TAFA5: variants seen among roughly 807,000 people sequenced by gnomAD.
The protein encoded by TAFA5 is TAFA chemokine like family member 5.
A neutral mutation model predicts 15.3 loss-of-function variants in TAFA5; 6 were observed. The observed-to-expected ratio is 0.39, with a 90% CI of 0.21 to 0.77. The LOEUF (loss-of-function observed/expected upper bound fraction) is 0.77. Ranked by LOEUF, TAFA5 falls within the 30% of genes least tolerant of loss-of-function variation. The probability of loss-of-function intolerance (pLI) is 0.41; values close to 1 mark genes in which losing one functional copy is unlikely to be tolerated. For synonymous variants in TAFA5, 103 were observed against 80.7 expected, an observed-to-expected ratio of 1.28 and a Z score of -1.48; for missense variants, 161 against 193.1, an observed-to-expected ratio of 0.83 and a Z score of 0.98.
intron 1 of TAFA5, among the ~76,000 whole-genome samples, chr22:48,558,877 G>A (rs958833265): frequency 2.0e-5 from 3 of 152,224 alleles, no homozygotes; most frequent in East Asian, 3.9e-4. Context: ...ACTTGCCTCC[G>A]CCAGCTGCCA....
chr22:48,588,454 G>C (rs1479797995), intron 1 of TAFA5, among the ~76,000 whole-genome samples: 1 of 152,188 alleles, frequency 6.6e-6, no homozygotes, highest in Non-Finnish European at 1.5e-5. Context: ...GGGAAGGAAG[G>C]CATTGCTCGC....
chr22:48,521,904 G>A (rs1003522522), intron 1 of TAFA5, among the ~76,000 whole-genome samples: 1 of 152,082 alleles, frequency 6.6e-6, no homozygotes, highest in Non-Finnish European at 1.5e-5. Context: ...GGAGGGAGGT[G>A]GAGCTGTAGC....
chr22:48,582,007 C>T (rs990850537), intron 1 of TAFA5, among the ~76,000 whole-genome samples: 23 of 152,128 alleles, frequency 1.5e-4, no homozygotes, highest in Non-Finnish European at 8.8e-5. Context: ...CGCTCACACA[C>T]GCACCCAGTG....
Position 48,512,943 on chromosome 22 carries a change from AAGAG to A in TAFA5, c.112+23253_112+23256del, listed in dbSNP as rs72317049. ...GTCTCAAAAAAAAAAAAAAAAAAAA[AAGAG>A]AGAGAGAGAGAGACTAACTGAAAAG... On this transcript the variant is annotated intron_variant, in intron 1 of 3. Transcript: ENST00000402357. Among the ~76,000 whole-genome samples, 7 of 116,136 alleles carry A rather than the reference AAGAG, an allele frequency of 6.0e-5. No homozygotes were observed. The South Asian group carries it at 9.2e-4, about 15-fold the overall frequency. 76.2% of individuals were successfully genotyped at this position (116,136 alleles called of 152,430 possible).
intron 1 of TAFA5, among the ~76,000 whole-genome samples, chr22:48,555,398 C>G (rs1163991713): frequency 6.6e-6 from 1 of 152,170 alleles, no homozygotes; most frequent in Non-Finnish European, 1.5e-5. Context: ...CCGTGTCCTG[C>G]GAGGGATTTC....
intron 1 of TAFA5, among the ~76,000 whole-genome samples, chr22:48,631,071 T>C (rs13056382): frequency 0.85 from 130,112 of 152,210 alleles, 56,134 homozygotes; most frequent in East Asian, 1. Flanking sequence ...CCCCGCCCTG[T>C]CCTTTCTAAG....
Position 48,489,579 on chromosome 22 carries a change from G to A in TAFA5, c.-14G>A. 1.4e-6 allele frequency: 2 copies of A among 1,428,808 alleles called. No homozygotes were observed. The highest frequency in any genetic ancestry group is 1.9e-6 in the Non-Finnish European group (2 of 1,078,764). The allele number at this position is 1,428,808 out of a possible 1,614,324, so 88.5% of individuals were successfully genotyped here. On this transcript the variant is annotated 5_prime_UTR_variant, in exon 1 of 4. Coordinates refer to ENST00000402357, the MANE Select transcript of TAFA5 (RefSeq NM_001082967.3). This position sits in a 1 kb window ranked among gnomAD's most constrained non-coding sequence, Gnocchi z 5.5. ...AGACGCGCTGCTGCCCCCCGCGCGG[G>A]CGCCGCGGCTTCAATGGCGCCATCG...
chr22:48,627,665 C>T (rs1306695103), intron 1 of TAFA5, among the ~76,000 whole-genome samples: 1 of 152,222 alleles, frequency 6.6e-6, no homozygotes, highest in Non-Finnish European at 1.5e-5. Context: ...CAGCAGCCTC[C>T]TTTCTTGGCT....
At chr22:48,677,025 C>T (rs1230989963) in intron 2 of TAFA5, among the ~76,000 whole-genome samples, 2 of 152,212 alleles carry the variant, frequency 1.3e-5, no homozygotes, top group African/African-American at 2.4e-5. Context: ...TGGAGGACGC[C>T]CCTGCCTGGC....
intron 1 of TAFA5, among the ~76,000 whole-genome samples, chr22:48,607,419 G>A (rs1027020838): frequency 7.2e-6 from 1 of 138,712 alleles, no homozygotes; most frequent in Non-Finnish European, 1.6e-5. Flanking sequence ...GGTCTATCCC[G>A]GGTTCTGATT....
chr22:48,492,383 C>A (rs1022457509), intron 1 of TAFA5, among the ~76,000 whole-genome samples: 2 of 152,200 alleles, frequency 1.3e-5, no homozygotes, highest in Admixed American at 1.3e-4. Flanking sequence ...CCTATTAAAT[C>A]TGTGTGTTTC....
intron 1 of TAFA5, among the ~76,000 whole-genome samples, chr22:48,535,107 G>A (rs1234607870): frequency 6.6e-6 from 1 of 152,144 alleles, no homozygotes; most frequent in Non-Finnish European, 1.5e-5. Flanking sequence ...TCTCACCCTG[G>A]GATCCCAGCC....
rs1928087248 is a variant in TAFA5, at chr22:48,490,015, C to T, written c.112+311C>T. ...TCCCTGCCCGGCGGTCGGAGCCCAG[C>T]CAGCGGCTTCCCGGCCGAGATGCGC... On this transcript the variant is annotated intron_variant, in intron 1 of 3. Transcript: ENST00000402357. This position sits in a 1 kb window ranked among gnomAD's most constrained non-coding sequence, Gnocchi z 5.8. Among the ~76,000 whole-genome samples the T allele has an allele frequency of 6.6e-6, 1 of 151,934 alleles. No homozygotes were observed. The highest frequency in any genetic ancestry group is 2.4e-5 in the African/African-American group (1 of 41,400).
intron 1 of TAFA5, among the ~76,000 whole-genome samples, chr22:48,620,064 G>A (rs113488384): frequency 1.8e-3 from 280 of 152,332 alleles, no homozygotes; most frequent in Non-Finnish European, 2.8e-3. Context: ...TGAGTCCAGG[G>A]TGGAGGATGG....
At chr22:48,725,199 C>A (rs546672616) in intron 3 of TAFA5, among the ~76,000 whole-genome samples, 115 of 152,232 alleles carry the variant, frequency 7.6e-4, no homozygotes, top group Non-Finnish European at 1.5e-3. Flanking sequence ...GCAGGGCTTC[C>A]CACACCTGCA....
At chr22:48,651,414 G>T (rs575704914) in intron 2 of TAFA5, among the ~76,000 whole-genome samples, 1 of 152,232 alleles carries the variant, frequency 6.6e-6, no homozygotes, top group Non-Finnish European at 1.5e-5. Flanking sequence ...CAGGGCCAGA[G>T]GGCCTGGAGG....
chr22:48,576,995 G>T (rs1308556668), intron 1 of TAFA5, among the ~76,000 whole-genome samples: 1 of 152,098 alleles, frequency 6.6e-6, no homozygotes, highest in Non-Finnish European at 1.5e-5. Flanking sequence ...GCTGGGACCC[G>T]CCAGGGTGGG....
chr22:48,576,630 C>A, intron 1 of TAFA5: 1 of 1,304,266 alleles, frequency 7.7e-7, no homozygotes, highest in Non-Finnish European at 9.9e-7. Flanking sequence ...CGCGGCGGCT[C>A]CGGCGCCCGA....
intron 1 of TAFA5, among the ~76,000 whole-genome samples, chr22:48,630,477 G>A (rs1039168835): frequency 4.6e-5 from 7 of 152,152 alleles, no homozygotes; most frequent in Non-Finnish European, 8.8e-5. Context: ...AGTCGTCAGC[G>A]GCGTGTGATG....
Sources: gnomAD v4.1 joint callset for allele counts (sites outside exome capture counted in the v4.1 genomes callset) on GRCh38, gnomAD v4.1.1 for gene constraint, Gnocchi (gnomAD v3.1) non-coding constraint, MANE v1.5 for transcripts, NCBI Gene and HGNC (gene_info 2026-07-23, HGNC 2026-07-21) for gene names.